ITGA2: variants seen among roughly 807,000 people sequenced by gnomAD.
The protein encoded by ITGA2 is integrin subunit alpha 2, also known as integrin alpha-2.
ITGA2 carries 101 observed loss-of-function variants against 146.3 expected under a neutral mutation model. The ratio of observed to expected loss-of-function variants is 0.69; its 90% confidence interval spans 0.59 to 0.81. The LOEUF (loss-of-function observed/expected upper bound fraction) is 0.81. ITGA2 is among the 40% of genes least tolerant of loss of function. The pLI is 0.00. For missense variants in ITGA2, 1,281 were observed against 1,402.7 expected (o/e 0.91, Z 1.39); for synonymous variants, 477 against 487.1 (o/e 0.98, Z 0.27).
At chr5:53,062,012 C>T (rs1744924663) in intron 12 of ITGA2, among the ~76,000 whole-genome samples, 1 of 151,804 alleles carries the variant, frequency 6.6e-6, no homozygotes, top group Non-Finnish European at 1.5e-5. Flanking sequence ...ATTTCTTAGT[C>T]ATTTCTAAAT....
intron 2 of ITGA2, among the ~76,000 whole-genome samples, chr5:53,028,762 C>T (rs1397967580): frequency 6.6e-6 from 1 of 152,178 alleles, no homozygotes; most frequent in Non-Finnish European, 1.5e-5. Context: ...CTTCTTTCTC[C>T]TCCCCTATAT....
Position 53,092,305 on chromosome 5 carries a change from G to A in ITGA2, c.*1706G>A, listed in dbSNP as rs1740465302. 1 of 152,122 alleles carries A rather than the reference G, an allele frequency of 6.6e-6. No individual in the cohort carries two copies. The highest frequency in any genetic ancestry group is 1.5e-5 in the Non-Finnish European group (1 of 68,020). 9.4% of individuals were successfully genotyped at this position (152,122 alleles called of 1,614,324 possible). ...GATGCTTTTAGTTTTAAAAGTCTAT[G>A]ATCTGGACTTCCTATAATACAAATA... On this transcript the variant is annotated 3_prime_UTR_variant, in exon 30 of 30. Transcript: ENST00000296585.
chr5:53,015,305 A>G (rs1166592304), intron 1 of ITGA2, among the ~76,000 whole-genome samples: 1 of 152,074 alleles, frequency 6.6e-6, no homozygotes, highest in Non-Finnish European at 1.5e-5. Flanking sequence ...CTTTGCTTTC[A>G]TTAGTTTCAA....
chr5:53,050,391 G>C (rs1238364405), intron 6 of ITGA2, among the ~76,000 whole-genome samples: 1 of 152,042 alleles, frequency 6.6e-6, no homozygotes, highest in African/African-American at 2.4e-5. Flanking sequence ...TCTTCCTCTC[G>C]TATTGGACTT....
intron 16 of ITGA2, 143 bp downstream of exon 16, chr5:53,067,400 C>T (rs984375005): frequency 1.4e-5 from 12 of 831,656 alleles, no homozygotes; most frequent in South Asian, 8.8e-5. Context: ...TGGAGATGCC[C>T]GAGAATGGTT....
At chr5:53,026,703 A>G (rs746367374) in intron 1 of ITGA2, 45 bp from the exon 2 acceptor site, 14 of 1,525,128 alleles carry the variant, frequency 9.2e-6, no homozygotes, top group Non-Finnish European at 1.3e-5. Flanking sequence ...ACACACTTAT[A>G]TTCATGAATT....
chr5:53,068,591 G>T (rs1201140633), intron 16 of ITGA2, among the ~76,000 whole-genome samples: 1 of 151,728 alleles, frequency 6.6e-6, no homozygotes, highest in Non-Finnish European at 1.5e-5. Flanking sequence ...GCTGCCGAGG[G>T]TTTCTGGCCT....
In ITGA2 at chr5:53,090,457, G is replaced by T. The variant is rs1383290059; in HGVS notation, c.3466-62G>T. 9 of 1,443,224 alleles carry T rather than the reference G, an allele frequency of 6.2e-6. 1 individual carries two copies. The Middle Eastern group carries it at 8.7e-4, about 140-fold the overall frequency. The allele number at this position is 1,443,224 out of a possible 1,614,324, so 89.4% of individuals were successfully genotyped here. The stretch of plus-strand genomic sequence containing the variant: ...TCAGAGGACGTGGGCAGCCAAGGGG[G>T]TCAGAGGCACCTTACAAAATAAGCC... On this transcript the variant is annotated intron_variant, in intron 29 of 29. Coordinates refer to ENST00000296585, the MANE Select transcript of ITGA2 (RefSeq NM_002203.4).
chr5:53,013,054 T>A (rs1293391921), intron 1 of ITGA2, among the ~76,000 whole-genome samples: 2 of 152,234 alleles, frequency 1.3e-5, no homozygotes, highest in African/African-American at 4.8e-5. Flanking sequence ...ATAGGTTGTC[T>A]GTTTACTCTG....
intron 2 of ITGA2, among the ~76,000 whole-genome samples, chr5:53,030,169 C>T (rs1445009766): frequency 6.6e-6 from 1 of 152,210 alleles, no homozygotes; most frequent in Non-Finnish European, 1.5e-5. Flanking sequence ...ACATGAGAGG[C>T]AGCCATATCT....
chr5:53,054,687 A>G (rs1744545180), intron 7 of ITGA2, among the ~76,000 whole-genome samples: 1 of 152,148 alleles, frequency 6.6e-6, no homozygotes, highest in African/African-American at 2.4e-5. Flanking sequence ...GCTGATATGG[A>G]AAGGTCTCCA....
intron 28 of ITGA2, among the ~76,000 whole-genome samples, chr5:53,087,927 G>A (rs995579642): frequency 2.6e-5 from 4 of 152,162 alleles, no homozygotes; most frequent in East Asian, 1.9e-4. Flanking sequence ...CATGAACTAT[G>A]GGCCTCCTCA....
intron 4 of ITGA2, among the ~76,000 whole-genome samples, chr5:53,047,721 A>G (rs1421190674): frequency 6.6e-6 from 1 of 152,144 alleles, no homozygotes; most frequent in African/African-American, 2.4e-5. Flanking sequence ...TGGGTTCTTC[A>G]TTCACCATGA....
rs181175580 is a variant in ITGA2, at chr5:53,008,289, G to A, written c.65-18459G>A. On this transcript the variant is annotated intron_variant, in intron 1 of 29. Transcript: ENST00000296585. Reference sequence around the variant, plus strand: ...CTTTCCCTATGTGGGTACTGAGAGAGAAAGATCTCTGGTGTCTCTTCTTCT... The same window carrying A: ...CTTTCCCTATGTGGGTACTGAGAGAAAAAGATCTCTGGTGTCTCTTCTTCT... Among the ~76,000 whole-genome samples, 234 of 149,944 alleles carry A rather than the reference G, an allele frequency of 1.6e-3. 2 individuals carry two copies. Among genetic ancestry groups the A allele is most frequent in the African/African-American group, 5.4e-3 (220 of 40,660 alleles).
At chr5:53,067,670 G>A (rs3212689) in intron 16 of ITGA2, among the ~76,000 whole-genome samples, 1,782 of 151,930 alleles carry the variant, frequency 0.012, 16 homozygotes, top group Middle Eastern at 0.024. Context: ...TTTTCCTGTC[G>A]TTGAGGAATT....
chr5:53,000,074 TAC>T (rs1038741343), intron 1 of ITGA2, among the ~76,000 whole-genome samples: 1 of 152,162 alleles, frequency 6.6e-6, no homozygotes, highest in Non-Finnish European at 1.5e-5. Context: ...ATTTTAAGTA[TAC>T]ACACACACAA....
rs756028919 is a variant in ITGA2 at position 53,093,776 on chromosome 5, G to T, written c.*3177G>T. Reference sequence around the variant, plus strand: ...ATTTCATAAATGGTGTACAGACAAGGTCTATAGAATGTGGTAAAAACTTGA... The same window carrying T: ...ATTTCATAAATGGTGTACAGACAAGTTCTATAGAATGTGGTAAAAACTTGA... On this transcript the variant is annotated 3_prime_UTR_variant, in exon 30 of 30. Coordinates refer to ENST00000296585, the MANE Select transcript of ITGA2 (RefSeq NM_002203.4). The T allele has an allele frequency of 3.3e-5, 5 of 152,542 alleles. No individual in the cohort carries two copies. Among genetic ancestry groups the T allele is most frequent in the African/African-American group, 4.8e-5 (2 of 41,422 alleles). 9.4% of individuals were successfully genotyped at this position (152,542 alleles called of 1,614,324 possible). A position where few individuals can be genotyped will look rare whatever the true frequency, so the allele number is the denominator to read the frequency against.
intron 1 of ITGA2, among the ~76,000 whole-genome samples, chr5:53,014,393 G>A (rs1041954889): frequency 6.6e-6 from 1 of 152,108 alleles, no homozygotes; most frequent in Non-Finnish European, 1.5e-5. Flanking sequence ...TTTATGTGAT[G>A]AATCACATTT....
chr5:53,055,933 G>T, intron 8 of ITGA2, 51 bp from the exon 9 acceptor site: 1 of 1,538,852 alleles, frequency 6.5e-7, no homozygotes, highest in South Asian at 1.1e-5. Flanking sequence ...TGTACTCATA[G>T]GGAAAATGTA....
Sources: allele counts gnomAD v4.1 joint callset (sites outside exome capture counted in the v4.1 genomes callset), GRCh38; gene constraint gnomAD v4.1.1; transcripts MANE v1.5; gene names NCBI Gene and HGNC (gene_info 2026-07-23, HGNC 2026-07-21).